Variants in PPP6R1 observed in about 807,000 individuals in gnomAD.
The protein encoded by PPP6R1 is protein phosphatase 6 regulatory subunit 1.
Under a neutral mutation model 104.6 loss-of-function variants are expected in PPP6R1, and 39 were observed. The ratio of observed to expected loss-of-function variants is 0.37; its 90% CI spans 0.29 to 0.49. The LOEUF is 0.49. PPP6R1 is among the 20% of genes least tolerant of loss of function. PPP6R1 has a pLI of 0.98. For missense variants in PPP6R1, 1,181 were observed against 1,155.8 expected, an observed-to-expected ratio of 1.02 and a Z score of -0.32; for synonymous variants, 549 against 479.0, an observed-to-expected ratio of 1.15 and a Z score of -1.91.
chr19:55,231,553 C>T (rs2087346800), intron 20 of PPP6R1, 45 bp downstream of exon 20: 3 of 1,600,208 alleles, frequency 1.9e-6, no homozygotes, highest in Admixed American at 1.7e-5. Context: ...CCAGGCTGCT[C>T]TCTCTGCCCA....
chr19:55,232,490 C>T (rs2087358843), intron 17 of PPP6R1: 2 of 441,590 alleles, frequency 4.5e-6, no homozygotes, highest in African/African-American at 4.0e-5. Flanking sequence ...GGGAAGTGGG[C>T]TGAGCCTCAG....
At chr19:55,231,295 G>A (rs911826110) in intron 21 of PPP6R1, 115 bp downstream of exon 21, 23 of 1,243,804 alleles carry the variant, frequency 1.8e-5, no homozygotes, top group Non-Finnish European at 2.2e-5. Flanking sequence ...CTGCGCCTGG[G>A]GGTCCTGCAA....
Position 55,241,964 on chromosome 19 carries a change from C to T in PPP6R1, c.845+202G>A, listed in dbSNP as rs1208612751. 6.6e-6 allele frequency among the ~76,000 whole-genome samples: 1 copy of T among 152,170 alleles called. No homozygotes were observed. The highest frequency in any genetic ancestry group is 1.5e-5 in the Non-Finnish European group (1 of 68,018). ...CACAAGCTGCAGCAGTGGCCTCAGC[C>T]TCAGTGCCCTCACTTGTCAAAGCAG... On this transcript the variant is annotated intron_variant, in intron 7 of 23. Transcript: ENST00000412770. This position sits in a 1 kb window ranked among gnomAD's most constrained non-coding sequence, Gnocchi z 5.4.
chr19:55,228,461 A>G, downstream of PPP6R1: 1 of 1,607,674 alleles, frequency 6.2e-7, no homozygotes, highest in Non-Finnish European at 8.5e-7. Context: ...GGAGCTACTG[A>G]GCCGAAACCC....
chr19:55,256,745 T>C (rs1344713265), intron 1 of PPP6R1, among the ~76,000 whole-genome samples: 1 of 152,174 alleles, frequency 6.6e-6, no homozygotes, highest in East Asian at 1.9e-4. Context: ...CCTAGCTACT[T>C]AGGAGGCTAA....
chr19:55,239,868 C>G lies in PPP6R1; in HGVS notation c.1521G>C (p.Ser507=). 1 of 1,613,912 alleles carries G rather than the reference C, an allele frequency of 6.2e-7. No homozygotes were observed. The highest frequency in any genetic ancestry group is 1.1e-5 in the South Asian group (1 of 91,078). Residue 507 remains serine (S), a synonymous_variant, in exon 13 of 24, where the codon TCG becomes TCC. Coordinates refer to ENST00000412770, the MANE Select transcript of PPP6R1 (RefSeq NM_014931.4). ...TCTTGTTGGTCTCCGCCAGGGGCCC[C>G]GATACGAAGGCTTCCCACTGCTCCT... ...EQQEQWEAFV[S]GPLAETNKKN...
chr19:55,243,196 C>CCT (rs1213617578), intron 5 of PPP6R1, among the ~76,000 whole-genome samples: 1 of 151,922 alleles, frequency 6.6e-6, no homozygotes, highest in Admixed American at 6.6e-5. Context: ...AGGTGGATCA[C>CCT]GAGGTCAGGA....
intron 17 of PPP6R1, 62 bp downstream of exon 17, chr19:55,236,581 G>C: frequency 3.5e-6 from 5 of 1,443,812 alleles, no homozygotes; most frequent in Non-Finnish European, 4.5e-6. Context: ...ATGTGTTGGG[G>C]GGACCCCTTG....
chr19:55,230,817 C>A lies in PPP6R1; in HGVS notation c.2527G>T (p.Gly843Trp). ...GAHQPPQTTE[G>W]EKSPEPLGLP... Reference sequence around the variant, plus strand: ...CCCAAGGGCTCTGGGCTCTTCTCCCCTTCTGTGGTCTGGGGGGGCTGGTGG... The same window carrying A: ...CCCAAGGGCTCTGGGCTCTTCTCCCATTCTGTGGTCTGGGGGGGCTGGTGG... The change falls in exon 22 of 24, where the codon GGG becomes TGG. Residue 843 changes from glycine to tryptophan, a missense_variant. Coordinates refer to ENST00000412770, the MANE Select transcript of PPP6R1 (RefSeq NM_014931.4). 6.2e-7 allele frequency: 1 copy of A among 1,604,436 alleles called. No individual in the cohort carries two copies. The highest frequency in any genetic ancestry group is 8.5e-7 in the Non-Finnish European group (1 of 1,179,036).
At chr19:55,243,765 G>A (rs1290164026) in intron 5 of PPP6R1, among the ~76,000 whole-genome samples, 3 of 152,082 alleles carry the variant, frequency 2.0e-5, no homozygotes, top group Non-Finnish European at 4.4e-5. Flanking sequence ...AGATCCTCCC[G>A]TCTCAGACTC....
chr19:55,258,144 C>A (rs917547543), intron 1 of PPP6R1, among the ~76,000 whole-genome samples: 2 of 152,164 alleles, frequency 1.3e-5, no homozygotes, highest in Admixed American at 1.3e-4. Context: ...GGAGCTGAGG[C>A]TCAGGGACTG....
Position 55,245,315 on chromosome 19 carries a change from G to A in PPP6R1, c.502C>T (p.Arg168Cys), listed in dbSNP as rs772100462. The change falls in exon 4 of 24, where the codon CGC becomes TGC. Residue 168 changes from arginine (R) to cysteine (C), a missense_variant. Around this residue, in one of 2 missense-constraint regions of PPP6R1, gnomAD observed 1,042 missense variants for 955.6 expected, o/e 1.09. Transcript: ENST00000412770. The surrounding 1 kb of genome is among the most constrained non-coding windows in gnomAD (Gnocchi z 6.4). ...GGCCGCTCCACACAGGTGAGCAGGC[G>A]CAGCAGGAGGTCCATGATGGCCGAG... is the stretch of plus-strand genomic sequence containing the variant. ...GTSAIMDLLL[R>C]LLTCVERPQL... The A allele has an allele frequency of 1.8e-5, 29 of 1,607,618 alleles. No homozygotes were observed. The Admixed American group carries it at 2.4e-4, about 13-fold the overall frequency.
downstream of PPP6R1, chr19:55,228,668 G>C (rs1048307700): frequency 6.2e-7 from 1 of 1,606,130 alleles, no homozygotes; most frequent in South Asian, 1.1e-5. Flanking sequence ...CCCAGCCCCA[G>C]GCACAGCTCA....
chr19:55,235,683 A>T (rs1311427985), intron 17 of PPP6R1, among the ~76,000 whole-genome samples: 17 of 151,032 alleles, frequency 1.1e-4, no homozygotes, highest in East Asian at 5.9e-4. Flanking sequence ...CACGCCCGGC[A>T]AATTTTTTGT....
At chr19:55,253,032 G>A (rs2087565854) in intron 1 of PPP6R1, among the ~76,000 whole-genome samples, 1 of 152,156 alleles carries the variant, frequency 6.6e-6, no homozygotes. Context: ...CCAAGGCTCA[G>A]CCCTGGGGCA....
In PPP6R1 at chr19:55,230,835, G is replaced by T; in HGVS notation, c.2509C>A (p.Pro837Thr). The change falls in exon 22 of 24, where the codon CCC becomes ACC. Residue 837 changes from proline (P) to threonine (T), a missense_variant. Transcript: ENST00000412770. ...TTCTCCCCTTCTGTGGTCTGGGGGG[G>T]CTGGTGGGCCCCGGAGGCTGGGACA... ...TSVPASGAHQPPQTTEGEKSP... is the reference protein window; with the variant it reads ...TSVPASGAHQTPQTTEGEKSP... 1.2e-6 allele frequency: 2 copies of T among 1,606,868 alleles called. No homozygotes were observed. Among genetic ancestry groups the T allele is most frequent in the Non-Finnish European group, 8.5e-7 (1 of 1,179,524 alleles).
At position 55,246,864 on chromosome 19, in the gene PPP6R1, C is replaced by G; in HGVS notation, c.227+13G>C. ...CTGATAGGGACGGGCTGGCCAGGAGCTGGGGAACTCACTTGTAGCGCAGCC... is the reference window on the plus strand; with the variant it reads ...CTGATAGGGACGGGCTGGCCAGGAGGTGGGGAACTCACTTGTAGCGCAGCC... On this transcript the variant is annotated intron_variant, in intron 2 of 23. Coordinates refer to ENST00000412770, the MANE Select transcript of PPP6R1 (RefSeq NM_014931.4). The G allele has an allele frequency of 6.4e-7, 1 of 1,568,998 alleles. No homozygotes were observed. The highest frequency in any genetic ancestry group is 8.7e-7 in the Non-Finnish European group (1 of 1,155,102).
chr19:55,233,821 C>T (rs759825292), intron 17 of PPP6R1, among the ~76,000 whole-genome samples: 4 of 152,190 alleles, frequency 2.6e-5, no homozygotes, highest in African/African-American at 7.2e-5. Flanking sequence ...TATTAGAAGA[C>T]GCAAGGTGGC....
chr19:55,257,815 G>A (rs181684130), intron 1 of PPP6R1, among the ~76,000 whole-genome samples: 86 of 152,332 alleles, frequency 5.6e-4, no homozygotes, highest in Non-Finnish European at 1.1e-3. Context: ...CCCCCTCCTC[G>A]GTGCCCAGCG....
Sources: gnomAD v4.1 joint callset for allele counts (sites outside exome capture counted in the v4.1 genomes callset) on GRCh38, gnomAD v4.1.1 for gene constraint, gnomAD v4.1.1 regional missense constraint, Gnocchi (gnomAD v3.1) non-coding constraint, MANE v1.5 for transcripts, NCBI Gene and HGNC (gene_info 2026-07-23, HGNC 2026-07-21) for gene names.